The following CXCL13 variants were observed in gnomAD, a reference collection of about 807,000 sequenced individuals.
CXCL13 encodes the protein C-X-C motif chemokine 13.
A neutral mutation model predicts 12.2 loss-of-function variants in CXCL13; 7 were observed. The ratio of observed to expected loss-of-function variants is 0.57; its 90% CI spans 0.33 to 1.07. CXCL13 has a LOEUF of 1.07. Ranked by LOEUF, CXCL13 falls within the 50% of genes least tolerant of loss-of-function variation. CXCL13 has a pLI of 0.04. For synonymous variants in CXCL13, 47 were observed against 42.4 expected, an observed-to-expected ratio of 1.11 and a Z score of -0.42; for missense variants, 113 against 127.4, an observed-to-expected ratio of 0.89 and a Z score of 0.55.
rs191387031 is a variant in CXCL13, at chr4:77,541,976, A to T, written c.-43+30188A>T. Among the ~76,000 whole-genome samples, 147 of 152,012 alleles carry T rather than the reference A, an allele frequency of 9.7e-4. 2 individuals carry two copies. The highest frequency in any genetic ancestry group is 6.4e-3 in the Admixed American group (98 of 15,246). On this transcript the variant is annotated intron_variant, in intron 1 of 4. Transcript: ENST00000286758. Reference sequence around the variant, plus strand: ...GGTGGGTTTTTTTGTGGCTATTGTGAATGGGATTGTGTTCTTGATTTGGTT... The same window carrying T: ...GGTGGGTTTTTTTGTGGCTATTGTGTATGGGATTGTGTTCTTGATTTGGTT...
intron 1 of CXCL13, among the ~76,000 whole-genome samples, chr4:77,544,436 A>G (rs932419264): frequency 1.3e-5 from 2 of 152,122 alleles, no homozygotes; most frequent in East Asian, 1.9e-4. Context: ...AATGATCACT[A>G]TTCTAACTGG....
chr4:77,573,270 A>G (rs899788141), intron 1 of CXCL13, among the ~76,000 whole-genome samples: 1 of 151,840 alleles, frequency 6.6e-6, no homozygotes, highest in African/African-American at 2.4e-5. Context: ...AAATTTTCTA[A>G]GAGAAATAAT....
chr4:77,534,321 C>T (rs1429314716), intron 1 of CXCL13, among the ~76,000 whole-genome samples: 2 of 152,182 alleles, frequency 1.3e-5, no homozygotes, highest in Non-Finnish European at 2.9e-5. Flanking sequence ...TCATTTGTAA[C>T]AGTACAAACC....
At chr4:77,586,615 T>C (rs1160431966) in intron 1 of CXCL13, among the ~76,000 whole-genome samples, 1 of 152,220 alleles carries the variant, frequency 6.6e-6, no homozygotes, top group Non-Finnish European at 1.5e-5. Flanking sequence ...TGTGCTAGGC[T>C]GCATATTCAG....
chr4:77,586,683 G>A (rs1230294648), intron 1 of CXCL13, among the ~76,000 whole-genome samples: 2 of 152,168 alleles, frequency 1.3e-5, no homozygotes, highest in Non-Finnish European at 2.9e-5. Flanking sequence ...TAGGGTGCCA[G>A]CATGGATTTT....
At position 77,606,216 on chromosome 4, in the gene CXCL13, T is replaced by G. The variant is rs535106982; in HGVS notation, c.64+287T>G. The stretch of plus-strand genomic sequence containing the variant: ...TTTCTGATTCAGCTCCTGCTATATA[T>G]AATTCTTTACATGTAGCTCTTCTTT... On this transcript the variant is annotated intron_variant, in intron 1 of 3. Transcript: ENST00000682537. Among the ~76,000 whole-genome samples, 8 of 152,340 alleles carry G rather than the reference T, an allele frequency of 5.3e-5. 1 individual carries two copies. The South Asian group carries it at 1.7e-3, about 32-fold the overall frequency.
In CXCL13 at chr4:77,578,337, C is replaced by A. The variant is rs182195699; in HGVS notation, c.-42-27487C>A. 3.0e-4 allele frequency among the ~76,000 whole-genome samples: 46 copies of A among 152,326 alleles called. No individual in the cohort carries two copies. In the Middle Eastern group the frequency reaches 0.014, roughly 45 times the overall value. ...ACCCTTAGATAGCCCTCTGAGGGAG[C>A]TCTGACTTCTGCCTTCCCAAAACAG... On this transcript the variant is annotated intron_variant, in intron 1 of 4. Transcript: ENST00000286758.
intron 1 of CXCL13, among the ~76,000 whole-genome samples, chr4:77,577,571 G>A (rs1190881020): frequency 6.6e-6 from 1 of 152,082 alleles, no homozygotes; most frequent in African/African-American, 2.4e-5. Context: ...TGAGGTCTAG[G>A]AAATGCAAAT....
intron 1 of CXCL13, among the ~76,000 whole-genome samples, chr4:77,563,525 A>C (rs1384080161): frequency 6.6e-6 from 1 of 152,208 alleles, no homozygotes; most frequent in Non-Finnish European, 1.5e-5. Flanking sequence ...GACCAGCATT[A>C]AGATAGCAGA....
intron 1 of CXCL13, among the ~76,000 whole-genome samples, chr4:77,574,895 T>C (rs1469329481): frequency 3.9e-5 from 6 of 151,984 alleles, no homozygotes; most frequent in African/African-American, 1.5e-4. Context: ...CTTTAATCTT[T>C]GAGAAATAAA....
At chr4:77,512,278 T>C (rs888337903) in intron 1 of CXCL13, among the ~76,000 whole-genome samples, 2 of 152,204 alleles carry the variant, frequency 1.3e-5, no homozygotes, top group Non-Finnish European at 2.9e-5. Flanking sequence ...TGGCAAAATT[T>C]GTAGTTAATT....
At chr4:77,604,416 T>C (rs1726956124), upstream of CXCL13, among the ~76,000 whole-genome samples, 1 of 152,120 alleles carries the variant, frequency 6.6e-6, no homozygotes, top group African/African-American at 2.4e-5. Context: ...AGCATCTGCT[T>C]TGCAGAGGAC....
intron 1 of CXCL13, among the ~76,000 whole-genome samples, chr4:77,544,403 C>A (rs1365768707): frequency 6.6e-6 from 1 of 152,186 alleles, no homozygotes; most frequent in African/African-American, 2.4e-5. Flanking sequence ...TCCTCTCCAG[C>A]ACCTGCTGTT....
intron 1 of CXCL13, among the ~76,000 whole-genome samples, chr4:77,561,426 G>A (rs1174414228): frequency 6.6e-6 from 1 of 152,198 alleles, no homozygotes; most frequent in African/African-American, 2.4e-5. Context: ...CCAGCCACAT[G>A]TTTGATGCTT....
intron 1 of CXCL13, among the ~76,000 whole-genome samples, chr4:77,567,531 G>T (rs1364239519): frequency 2.0e-5 from 3 of 152,192 alleles, no homozygotes; most frequent in African/African-American, 7.2e-5. Flanking sequence ...AACTAAAGCA[G>T]CATGAGGTCA....
chr4:77,583,553 C>T (rs554910383), intron 1 of CXCL13, among the ~76,000 whole-genome samples: 6 of 152,326 alleles, frequency 3.9e-5, no homozygotes, highest in South Asian at 4.1e-4. Flanking sequence ...TCCTTCTGCA[C>T]GTCAATGTGG....
intron 1 of CXCL13, among the ~76,000 whole-genome samples, chr4:77,542,961 G>A (rs983235979): frequency 5.9e-5 from 9 of 152,070 alleles, no homozygotes; most frequent in African/African-American, 1.7e-4. Flanking sequence ...TTTTAGGTAT[G>A]GTAGAATTTG....
At chr4:77,578,165 G>C (rs1294435072) in intron 1 of CXCL13, among the ~76,000 whole-genome samples, 4 of 152,146 alleles carry the variant, frequency 2.6e-5, no homozygotes, top group Non-Finnish European at 4.4e-5. Flanking sequence ...AAGGCCTCAG[G>C]ATTCTTGAGC....
At chr4:77,541,405 A>T (rs531016253) in intron 1 of CXCL13, among the ~76,000 whole-genome samples, 2 of 151,580 alleles carry the variant, frequency 1.3e-5, no homozygotes, top group South Asian at 2.1e-4. Flanking sequence ...TAAATCTTTA[A>T]TCCATGTTTC....
Sources: gnomAD v4.1 joint callset for allele counts (sites outside exome capture counted in the v4.1 genomes callset) on GRCh38, gnomAD v4.1.1 for gene constraint, MANE v1.5 for transcripts, NCBI Gene and HGNC (gene_info 2026-07-23, HGNC 2026-07-21) for gene names.